KCND2: variants seen among roughly 807,000 people sequenced by gnomAD.
The protein encoded by KCND2 is A-type voltage-gated potassium channel KCND2.
Under a neutral mutation model 54.4 loss-of-function variants are expected in KCND2, and 16 were observed. The observed-to-expected ratio is 0.29, with a 90% CI of 0.20 to 0.45. The LOEUF is 0.45. KCND2 is among the 20% of genes least tolerant of loss of function. The pLI, the probability that KCND2 is intolerant of heterozygous loss-of-function variation, is 1.00. For missense variants in KCND2, 486 were observed against 824.2 expected, an observed-to-expected ratio of 0.59 and a Z score of 5.02; for synonymous variants, 317 against 310.7, an observed-to-expected ratio of 1.02 and a Z score of -0.21.
At chr7:120,438,327 T>C (rs1459860474) in intron 1 of KCND2, among the ~76,000 whole-genome samples, 6 of 152,210 alleles carry the variant, frequency 3.9e-5, no homozygotes, top group Non-Finnish European at 5.9e-5. Context: ...TCCTCTCTTG[T>C]AACATCCTGT....
intron 1 of KCND2, among the ~76,000 whole-genome samples, chr7:120,685,461 G>A (rs1355642552): frequency 6.6e-6 from 1 of 152,138 alleles, no homozygotes; most frequent in African/African-American, 2.4e-5. Flanking sequence ...TAACTAGGAG[G>A]TTGATATGTT....
intron 4 of KCND2, among the ~76,000 whole-genome samples, chr7:120,744,749 A>G (rs1264197716): frequency 6.6e-6 from 1 of 152,142 alleles, no homozygotes; most frequent in Non-Finnish European, 1.5e-5. Flanking sequence ...TGTTTTACTC[A>G]TATTTTAGGA....
intron 1 of KCND2, among the ~76,000 whole-genome samples, chr7:120,401,740 T>C (rs533094129): frequency 6.6e-6 from 1 of 152,298 alleles, no homozygotes; most frequent in Admixed American, 6.5e-5. Flanking sequence ...AAAATTATCT[T>C]GTTGTAGATT....
intron 1 of KCND2, among the ~76,000 whole-genome samples, chr7:120,345,730 G>GTTTATACATTTTT (rs1201880508): frequency 8.1e-6 from 1 of 122,768 alleles, no homozygotes; most frequent in African/African-American, 3.0e-5. Flanking sequence ...TATACATTTT[G>GTTTATACATTTTT]TTTATACATT....
At chr7:120,305,405 C>A (rs1799637996) in intron 1 of KCND2, among the ~76,000 whole-genome samples, 2 of 152,026 alleles carry the variant, frequency 1.3e-5, no homozygotes, top group Admixed American at 1.3e-4. Flanking sequence ...AGGAGACAAC[C>A]TGCAATAAAA....
At chr7:120,301,676 T>G (rs1360334739) in intron 1 of KCND2, among the ~76,000 whole-genome samples, 2 of 152,166 alleles carry the variant, frequency 1.3e-5, no homozygotes, top group East Asian at 3.8e-4. Context: ...TACGAAAATT[T>G]TATTATTTCA....
chr7:120,298,190 C>T (rs750328451), intron 1 of KCND2, among the ~76,000 whole-genome samples: 1 of 152,084 alleles, frequency 6.6e-6, no homozygotes, highest in Non-Finnish European at 1.5e-5. Context: ...TATTAACTTA[C>T]ACAGACATAC....
chr7:120,411,855 G>A (rs1439898807), intron 1 of KCND2, among the ~76,000 whole-genome samples: 1 of 151,824 alleles, frequency 6.6e-6, no homozygotes, highest in African/African-American at 2.4e-5. Flanking sequence ...GTGAGTCTTA[G>A]CTCTTTTGAC....
intron 1 of KCND2, among the ~76,000 whole-genome samples, chr7:120,382,677 AG>A (rs921002402): frequency 6.6e-6 from 1 of 151,890 alleles, no homozygotes; most frequent in African/African-American, 2.4e-5. Context: ...CTCTAACAAA[AG>A]CTAAGGTTTA....
rs568683735 is a variant in KCND2 at position 120,598,249 on chromosome 7, A to G, written c.1116-134654A>G. ...GTAAAAAATCGGTAGCATCAGTGGG[A>G]ATATTAGCTCTAATCCTACAAGGTA... On this transcript the variant is annotated intron_variant, in intron 1 of 5. Transcript: ENST00000331113. Among the ~76,000 whole-genome samples the G allele has an allele frequency of 4.6e-5, 7 of 152,188 alleles. No homozygotes were observed. In the South Asian group the frequency reaches 1.5e-3, roughly 32 times the overall value.
At chr7:120,479,755 C>T (rs2116277165) in intron 1 of KCND2, among the ~76,000 whole-genome samples, 1 of 142,640 alleles carries the variant, frequency 7.0e-6, no homozygotes, top group Admixed American at 7.2e-5. Context: ...ATGGCAAAAC[C>T]CCATCTCTAA....
chr7:120,613,266 A>G (rs1414770549), intron 1 of KCND2, among the ~76,000 whole-genome samples: 1 of 152,204 alleles, frequency 6.6e-6, no homozygotes, highest in African/African-American at 2.4e-5. Context: ...ATAGTGGTTC[A>G]TGCCTGTAAT....
chr7:120,581,090 A>C (rs1471434718), intron 1 of KCND2, among the ~76,000 whole-genome samples: 1 of 152,268 alleles, frequency 6.6e-6, no homozygotes, highest in Non-Finnish European at 1.5e-5. Flanking sequence ...TGAGAACTCA[A>C]GATTATAATT....
chr7:120,365,389 G>A (rs1445285157), intron 1 of KCND2, among the ~76,000 whole-genome samples: 15 of 152,094 alleles, frequency 9.9e-5, no homozygotes, highest in Non-Finnish European at 2.1e-4. Context: ...TCAGACAGTA[G>A]CAATCTAGCA....
intron 1 of KCND2, among the ~76,000 whole-genome samples, chr7:120,522,984 A>G (rs1384115140): frequency 6.6e-6 from 1 of 152,196 alleles, no homozygotes; most frequent in Non-Finnish European, 1.5e-5. Flanking sequence ...ATTTTTTACT[A>G]GACTGGGCAA....
chr7:120,355,972 G>A (rs1022882111), intron 1 of KCND2, among the ~76,000 whole-genome samples: 4 of 151,962 alleles, frequency 2.6e-5, no homozygotes, highest in East Asian at 1.9e-4. Flanking sequence ...AGAGAACATC[G>A]AATCCATCTT....
chr7:120,428,348 G>A (rs185077763), intron 1 of KCND2, among the ~76,000 whole-genome samples: 24 of 152,228 alleles, frequency 1.6e-4, no homozygotes, highest in African/African-American at 2.4e-4. Context: ...AAACAGGTGC[G>A]AATACTATGG....
intron 1 of KCND2, among the ~76,000 whole-genome samples, chr7:120,590,256 A>G (rs1792653847): frequency 6.6e-6 from 1 of 151,980 alleles, no homozygotes; most frequent in African/African-American, 2.4e-5. Context: ...TGACCTCAAG[A>G]TATCTGCTCA....
chr7:120,498,965 A>G (rs915302851), intron 1 of KCND2, among the ~76,000 whole-genome samples: 3 of 152,164 alleles, frequency 2.0e-5, no homozygotes, highest in Non-Finnish European at 2.9e-5. Context: ...ACTTGAAGAT[A>G]TAAGTAAAAT....
Sources: allele counts gnomAD v4.1 joint callset (sites outside exome capture counted in the v4.1 genomes callset), GRCh38; gene constraint gnomAD v4.1.1; transcripts MANE v1.5; gene names NCBI Gene and HGNC (gene_info 2026-07-23, HGNC 2026-07-21).